GRAMD1B: variants seen among roughly 807,000 people sequenced by gnomAD.
The protein encoded by GRAMD1B is GRAM domain containing 1B, also known as protein Aster-B.
In GRAMD1B, 37 loss-of-function variants were observed where a neutral mutation model predicts 99.7. The observed-to-expected ratio is 0.37, with a 90% confidence interval of 0.29 to 0.49. The LOEUF (loss-of-function observed/expected upper bound fraction) is 0.49. GRAMD1B is among the 20% of genes least tolerant of loss of function. The probability of loss-of-function intolerance (pLI) is 0.98; values close to 1 mark genes in which losing one functional copy is unlikely to be tolerated. For synonymous variants in GRAMD1B, 427 were observed against 387.6 expected (o/e 1.10, Z -1.19); for missense variants, 888 against 1,009.2 (o/e 0.88, Z 1.63).
Position 123,497,057 on chromosome 11 carries a change from T to C in GRAMD1B, c.452+16164T>C, listed in dbSNP as rs1173801009. Among the ~76,000 whole-genome samples the C allele has an allele frequency of 1.1e-4, 16 of 152,192 alleles. 1 individual carries two copies. Among genetic ancestry groups the C allele is most frequent in the Non-Finnish European group, 2.2e-4 (15 of 68,028 alleles). ...TGTGCATTGAAGAGTTAGGCATTTA[T>C]TGTAGTCTTCACAGTCTTGGCTTGT... is the stretch of plus-strand genomic sequence containing the variant. On this transcript the variant is annotated intron_variant, in intron 2 of 19. Transcript: ENST00000635736.
intron 9 of GRAMD1B, among the ~76,000 whole-genome samples, chr11:123,604,083 A>G (rs1285706982): frequency 1.3e-5 from 2 of 152,232 alleles, no homozygotes; most frequent in African/African-American, 4.8e-5. Flanking sequence ...TAGGCAAAGC[A>G]GGTTTCAGGG....
At chr11:123,542,191 A>G (rs949940087) in intron 2 of GRAMD1B, among the ~76,000 whole-genome samples, 23 of 152,220 alleles carry the variant, frequency 1.5e-4, no homozygotes, top group Admixed American at 1.2e-3. Flanking sequence ...CGAGTGGCAC[A>G]CCAACATTCC....
chr11:123,515,338 CTGGT>C (rs1179506034), intron 2 of GRAMD1B, among the ~76,000 whole-genome samples: 1 of 152,162 alleles, frequency 6.6e-6, no homozygotes, highest in Non-Finnish European at 1.5e-5. Flanking sequence ...GGGAGTGGTA[CTGGT>C]TGAGCATCCC....
At position 123,619,237 on chromosome 11, in the gene GRAMD1B, A is replaced by ATTG. The variant is rs1240219668; in HGVS notation, c.2544+13_2544+14insTTG. ...GCTCCTTGACCAGGTGAGATGCCCCACCTTCTCTGCTTGCCCTGGTCTTTG... is the reference window on the plus strand; with the variant it reads ...GCTCCTTGACCAGGTGAGATGCCCCATTGCCTTCTCTGCTTGCCCTGGTCTTTG... On this transcript the variant is annotated intron_variant, in intron 19 of 19. Transcript: ENST00000635736. The ATTG allele has an allele frequency of 1.3e-6, 2 of 1,552,376 alleles. No homozygotes were observed. Among genetic ancestry groups the ATTG allele is most frequent in the Admixed American group, 3.9e-5 (2 of 51,048 alleles).
At chr11:123,395,653 G>A (rs562948742) in intron 1 of GRAMD1B, among the ~76,000 whole-genome samples, 36 of 152,308 alleles carry the variant, frequency 2.4e-4, no homozygotes, top group Non-Finnish European at 8.8e-5. Flanking sequence ...GTTAAATCGT[G>A]TTTAGAAATT....
At chr11:123,520,413 T>C (rs889720874) in intron 2 of GRAMD1B, among the ~76,000 whole-genome samples, 2 of 152,090 alleles carry the variant, frequency 1.3e-5, no homozygotes, top group African/African-American at 4.8e-5. Flanking sequence ...GGGGTTGGTA[T>C]TCAGTTGTTT....
intron 17 of GRAMD1B, among the ~76,000 whole-genome samples, chr11:123,615,855 A>G (rs1954302811): frequency 6.6e-6 from 1 of 152,220 alleles, no homozygotes; most frequent in African/African-American, 2.4e-5. Flanking sequence ...AGAGTATAGC[A>G]TGTGACAAAG....
intron 1 of GRAMD1B, among the ~76,000 whole-genome samples, chr11:123,411,949 A>G (rs533849575): frequency 7.1e-4 from 103 of 145,818 alleles, no homozygotes; most frequent in African/African-American, 2.7e-3. Context: ...TATTATTTTG[A>G]AAACAATTAT....
At chr11:123,418,646 A>C (rs756678911) in intron 1 of GRAMD1B, among the ~76,000 whole-genome samples, 1 of 152,106 alleles carries the variant, frequency 6.6e-6, no homozygotes, top group Non-Finnish European at 1.5e-5. Context: ...TAATCTAAGG[A>C]ATATTGTGAC....
intron 1 of GRAMD1B, among the ~76,000 whole-genome samples, chr11:123,405,489 C>G (rs1397877109): frequency 1.3e-5 from 2 of 152,146 alleles, no homozygotes; most frequent in Admixed American, 6.5e-5. Flanking sequence ...GGTTAGAGAA[C>G]CAGTCAAGGA....
chr11:123,442,725 G>A (rs1051202360), intron 1 of GRAMD1B, among the ~76,000 whole-genome samples: 6 of 152,028 alleles, frequency 3.9e-5, no homozygotes, highest in African/African-American at 1.5e-4. Context: ...AGCCGAGATC[G>A]CACCACTGCA....
intron 12 of GRAMD1B, among the ~76,000 whole-genome samples, chr11:123,609,038 G>T (rs1408018057): frequency 2.6e-5 from 4 of 151,810 alleles, no homozygotes; most frequent in Non-Finnish European, 5.9e-5. Context: ...TACACACCAG[G>T]CACTCGATGC....
chr11:123,393,395 G>T (rs1947346877), intron 1 of GRAMD1B, among the ~76,000 whole-genome samples: 1 of 152,186 alleles, frequency 6.6e-6, no homozygotes, highest in African/African-American at 2.4e-5. Flanking sequence ...ACAGAATCTG[G>T]TTTGGGAGAA....
intron 2 of GRAMD1B, among the ~76,000 whole-genome samples, chr11:123,561,275 C>T (rs1435472194): frequency 5.9e-5 from 9 of 152,140 alleles, no homozygotes; most frequent in African/African-American, 1.2e-4. Context: ...GGCTTCCCTC[C>T]GCAGTGCCTC....
At chr11:123,440,811 G>A (rs1433095340) in intron 1 of GRAMD1B, among the ~76,000 whole-genome samples, 6 of 152,186 alleles carry the variant, frequency 3.9e-5, no homozygotes, top group East Asian at 1.9e-4. Context: ...GCTTGGCTGC[G>A]TCCCCACCCA....
intron 1 of GRAMD1B, among the ~76,000 whole-genome samples, chr11:123,374,149 G>C (rs1946619175): frequency 6.6e-6 from 1 of 152,202 alleles, no homozygotes. Context: ...TGATGTGTTT[G>C]TAGTGTGGAT....
intron 1 of GRAMD1B, among the ~76,000 whole-genome samples, chr11:123,365,087 A>C (rs766691936): frequency 6.6e-6 from 1 of 152,208 alleles, no homozygotes; most frequent in African/African-American, 2.4e-5. Context: ...AATATTTTGC[A>C]TAAGGAATTA....
In GRAMD1B at chr11:123,430,569, C is replaced by G; in HGVS notation, c.-224C>G. The G allele has an allele frequency of 4.4e-6, 2 of 451,354 alleles. No homozygotes were observed. Among genetic ancestry groups the G allele is most frequent in the South Asian group, 9.3e-5 (2 of 21,476 alleles). 28.0% of individuals were successfully genotyped at this position (451,354 alleles called of 1,614,324 possible). ...CCCGGGTGGCCTCGCCGGCGGCTGA[C>G]GGCCCGGAGGACGCGCGCTCCGAAA... is the stretch of plus-strand genomic sequence containing the variant. On this transcript the variant is annotated 5_prime_UTR_variant, in exon 1 of 20. Coordinates refer to ENST00000635736, the MANE Select transcript of GRAMD1B (RefSeq NM_001387025.1).
In GRAMD1B at chr11:123,494,107, G is replaced by A. The variant is rs572203626; in HGVS notation, c.452+13214G>A. ...GAGCAGGGACCATCTTTGTTTTATTGTGTCCGCAACACTTAGCACAGTGCC... is the reference window on the plus strand; with the variant it reads ...GAGCAGGGACCATCTTTGTTTTATTATGTCCGCAACACTTAGCACAGTGCC... On this transcript the variant is annotated intron_variant, in intron 2 of 19. Transcript: ENST00000635736. Among the ~76,000 whole-genome samples, 12 of 152,166 alleles carry A rather than the reference G, an allele frequency of 7.9e-5. No individual in the cohort carries two copies. In the South Asian group the frequency reaches 2.5e-3, roughly 32 times the overall value.
Sources: gnomAD v4.1 joint callset for allele counts (sites outside exome capture counted in the v4.1 genomes callset) on GRCh38, gnomAD v4.1.1 for gene constraint, MANE v1.5 for transcripts, NCBI Gene and HGNC (gene_info 2026-07-23, HGNC 2026-07-21) for gene names.